Variants in TNFSF4 observed in about 807,000 individuals in gnomAD.
TNFSF4 encodes the protein tumor necrosis factor ligand superfamily member 4.
Under a neutral mutation model 7.3 loss-of-function variants are expected in TNFSF4, and 4 were observed. The ratio of observed to expected loss-of-function variants is 0.55; its 90% CI spans 0.27 to 1.25. The LOEUF (loss-of-function observed/expected upper bound fraction) is 1.25. TNFSF4 is among the 50% of genes most tolerant of loss of function. The pLI is 0.12. For missense variants in TNFSF4, 181 were observed against 208.8 expected, an observed-to-expected ratio of 0.87 and a Z score of 0.82; for synonymous variants, 76 against 83.7, an observed-to-expected ratio of 0.91 and a Z score of 0.50.
chr1:173,178,920 G>A (rs539804657), downstream of TNFSF4, among the ~76,000 whole-genome samples: 1 of 152,138 alleles, frequency 6.6e-6, no homozygotes, highest in Non-Finnish European at 1.5e-5. Context: ...AGGAAAGAAA[G>A]CAATGTAACT....
chr1:173,407,729 T>TGTGTGTGTGTCC, the TNFSF4 span, among the ~76,000 whole-genome samples: 3 of 150,952 alleles, frequency 2.0e-5, no homozygotes, highest in East Asian at 5.8e-4. Context: ...TGTGTGTGTG[T>TGTGTGTGTGTCC]CCTAGCTCTA....
At chr1:173,308,025 G>A in the TNFSF4 span, among the ~76,000 whole-genome samples, 43,466 of 151,710 alleles carry the variant, frequency 0.29, 6,577 homozygotes, top group Non-Finnish European at 0.33. Flanking sequence ...TTAGTTAAAT[G>A]CCTTGTTCAA....
At chr1:173,449,181 G>A in the TNFSF4 span, among the ~76,000 whole-genome samples, 2 of 152,156 alleles carry the variant, frequency 1.3e-5, no homozygotes, top group East Asian at 3.9e-4. Context: ...CTCACCATGT[G>A]GTGTTCCCAC....
chr1:173,357,907 G>T, the TNFSF4 span, among the ~76,000 whole-genome samples: 1 of 152,180 alleles, frequency 6.6e-6, no homozygotes, highest in South Asian at 2.1e-4. Flanking sequence ...GTATAGATAA[G>T]GTGAGGCTAC....
chr1:173,296,493 C>T, the TNFSF4 span, among the ~76,000 whole-genome samples: 1 of 152,026 alleles, frequency 6.6e-6, no homozygotes, highest in Middle Eastern at 3.4e-3. Flanking sequence ...TCTAAATCAG[C>T]TTTAAAAGCC....
the TNFSF4 span, among the ~76,000 whole-genome samples, chr1:173,340,582 G>T: frequency 6.6e-6 from 1 of 152,102 alleles, no homozygotes; most frequent in African/African-American, 2.4e-5. Context: ...AGATAGATTT[G>T]TAAGGAGAAA....
In TNFSF4 at chr1:173,200,393, C is replaced by A. The variant is rs751287999; in HGVS notation, c.153+6631G>T. On this transcript the variant is annotated intron_variant, in intron 1 of 2. Transcript: ENST00000281834. ...CTGCAAAGATGAGAGACTGTTACTG[C>A]AAGTAGTACATTGAATAATACCATT... Among the ~76,000 whole-genome samples, 4 of 152,170 alleles carry A rather than the reference C, an allele frequency of 2.6e-5. No individual in the cohort carries two copies. The South Asian group carries it at 8.3e-4, about 31-fold the overall frequency.
At chr1:173,437,010 T>C in the TNFSF4 span, among the ~76,000 whole-genome samples, 12 of 152,262 alleles carry the variant, frequency 7.9e-5, no homozygotes, top group South Asian at 1.4e-3. Context: ...AGTCTAGAGA[T>C]GTGATTTATG....
the TNFSF4 span, among the ~76,000 whole-genome samples, chr1:173,325,316 C>T: frequency 7.9e-5 from 12 of 152,034 alleles, no homozygotes; most frequent in East Asian, 3.9e-4. Flanking sequence ...TTGAAACCAA[C>T]GAGAACAAAG....
chr1:173,292,767 T>TCCTA, the TNFSF4 span, among the ~76,000 whole-genome samples: 35 of 151,980 alleles, frequency 2.3e-4, 1 homozygote, highest in African/African-American at 8.0e-4. Flanking sequence ...GCCAAAAGGG[T>TCCTA]CCTAGAACTG....
chr1:173,449,549 T>C, the TNFSF4 span, among the ~76,000 whole-genome samples: 1 of 152,050 alleles, frequency 6.6e-6, no homozygotes, highest in African/African-American at 2.4e-5. Flanking sequence ...AGACGGGGTT[T>C]TGCCATGTTG....
At chr1:173,306,122 ATT>A in the TNFSF4 span, among the ~76,000 whole-genome samples, 1 of 151,544 alleles carries the variant, frequency 6.6e-6, no homozygotes, top group African/African-American at 2.4e-5. Flanking sequence ...TATAATCATA[ATT>A]GGAAGGAGAT....
chr1:173,395,377 AATATATATATATATATATATATATATAT>A, the TNFSF4 span, among the ~76,000 whole-genome samples: 1,506 of 63,264 alleles, frequency 0.024, 113 homozygotes, highest in African/African-American at 0.069. Flanking sequence ...CTGTGTATAT[AATATATATATATATATATATATATATAT>A]ATATATATAT....
chr1:173,283,297 C>G, the TNFSF4 span, among the ~76,000 whole-genome samples: 10 of 152,164 alleles, frequency 6.6e-5, no homozygotes, highest in East Asian at 5.8e-4. Flanking sequence ...CCTTTCCCCC[C>G]CCAAAAAAGA....
At chr1:173,355,710 C>T in the TNFSF4 span, among the ~76,000 whole-genome samples, 8 of 152,248 alleles carry the variant, frequency 5.3e-5, no homozygotes, top group Non-Finnish European at 1.2e-4. Context: ...GAAATAAAAC[C>T]TCTCATTTTA....
At chr1:173,423,401 C>T in the TNFSF4 span, among the ~76,000 whole-genome samples, 2 of 152,180 alleles carry the variant, frequency 1.3e-5, no homozygotes, top group African/African-American at 4.8e-5. Context: ...AATCCCACTT[C>T]CTCTGCAAAG....
chr1:173,424,089 C>A, the TNFSF4 span, among the ~76,000 whole-genome samples: 19 of 152,196 alleles, frequency 1.2e-4, no homozygotes, highest in African/African-American at 4.3e-4. Context: ...GACCCTAATT[C>A]CATCCAGGAA....
At chr1:173,417,974 T>C in the TNFSF4 span, 8 of 151,892 alleles carry the variant, frequency 5.3e-5, no homozygotes, top group South Asian at 4.2e-4. Context: ...ACTCAGTCAT[T>C]TGAGCTCCAG....
chr1:173,442,475 G>GAAATTAGATT, the TNFSF4 span, among the ~76,000 whole-genome samples: 2 of 150,466 alleles, frequency 1.3e-5, no homozygotes, highest in African/African-American at 4.9e-5. Context: ...AAATGAAAAT[G>GAAATTAGATT]TCCCTGAGAA....
Sources: gnomAD v4.1 joint callset for allele counts (sites outside exome capture counted in the v4.1 genomes callset) on GRCh38, gnomAD v4.1.1 for gene constraint, MANE v1.5 for transcripts, NCBI Gene and HGNC (gene_info 2026-07-23, HGNC 2026-07-21) for gene names.